Variants in ACSBG2 observed in about 807,000 individuals in gnomAD.
ACSBG2 encodes the protein long-chain-fatty-acid--CoA ligase ACSBG2.
In ACSBG2, 62 loss-of-function variants were observed where a neutral mutation model predicts 74.7. That is an observed-to-expected ratio of 0.83 (90% CI 0.68 to 1.03). The LOEUF (loss-of-function observed/expected upper bound fraction) is 1.03. ACSBG2 is among the 50% of genes least tolerant of loss of function. The pLI is 0.00. For missense variants in ACSBG2, 730 were observed against 817.6 expected (o/e 0.89, Z 1.31); for synonymous variants, 309 against 294.1 (o/e 1.05, Z -0.52).
intron 7 of ACSBG2, among the ~76,000 whole-genome samples, chr19:6,173,516 G>A (rs1219496578): frequency 6.6e-6 from 1 of 152,104 alleles, no homozygotes; most frequent in Non-Finnish European, 1.5e-5. Context: ...AAGGCGAGTG[G>A]GAAGCAAAGA....
intron 6 of ACSBG2, among the ~76,000 whole-genome samples, chr19:6,163,121 AAATAATAATAATAATAATAAT>A (rs71917482): frequency 8.1e-6 from 1 of 122,848 alleles, no homozygotes; most frequent in African/African-American, 2.9e-5. Context: ...CTAAAAATAC[AAATAATAATAATAATAATAAT>A]AATAATAATA....
chr19:6,177,496 C>G (rs549367090), intron 8 of ACSBG2, 100 bp downstream of exon 8: 3 of 1,290,882 alleles, frequency 2.3e-6, no homozygotes, highest in African/African-American at 1.5e-5. Flanking sequence ...TGGGTGAAGC[C>G]CCATGTCTAA....
At chr19:6,136,582 C>T (rs756675870) in intron 1 of ACSBG2, among the ~76,000 whole-genome samples, 12 of 152,136 alleles carry the variant, frequency 7.9e-5, no homozygotes, top group East Asian at 1.9e-4. Context: ...AGGCTGGTCT[C>T]GAACTCCTGG....
intron 6 of ACSBG2, among the ~76,000 whole-genome samples, chr19:6,164,281 C>A (rs1050173128): frequency 1.3e-5 from 2 of 152,082 alleles, no homozygotes; most frequent in Admixed American, 6.5e-5. Flanking sequence ...AGGACAGGTT[C>A]CCCCAGAGGG....
chr19:6,143,200 G>A (rs967688561), intron 2 of ACSBG2, among the ~76,000 whole-genome samples: 6 of 151,702 alleles, frequency 4.0e-5, no homozygotes, highest in African/African-American at 1.2e-4. Flanking sequence ...ATGCACCACC[G>A]TGCCTGGCTA....
intron 2 of ACSBG2, among the ~76,000 whole-genome samples, chr19:6,146,787 C>CA (rs1419626952): frequency 6.8e-6 from 1 of 148,080 alleles, no homozygotes; most frequent in Non-Finnish European, 1.5e-5. Context: ...CAAAACAAAA[C>CA]AAAATAATAA....
chr19:6,187,672 T>G lies in ACSBG2; in HGVS notation c.1754T>G (p.Leu585Arg), dbSNP rs1380699763. 6.2e-7 allele frequency: 1 copy of G among 1,614,000 alleles called. No individual in the cohort carries two copies. Among genetic ancestry groups the G allele is most frequent in the African/African-American group, 1.3e-5 (1 of 74,886 alleles). Reference sequence around the variant, plus strand: ...GAGGCCATCAACTTCTGTCGGGGTCTGGGCAGCCAGGCATCCACCGTGACT... The same window carrying G: ...GAGGCCATCAACTTCTGTCGGGGTCGGGGCAGCCAGGCATCCACCGTGACT... ...NFEAINFCRG[L>R]GSQASTVTEI... Residue 585 changes from leucine (L) to arginine (R), a missense_variant, in exon 13 of 15, where the codon CTG (leucine) becomes CGG (arginine). Physicochemically the swap from Leu to Arg is moderately radical, Grantham distance 102. Transcript: ENST00000588485.
At chr19:6,190,812 T>TACACACAC (rs58730661) in intron 14 of ACSBG2, 120 bp downstream of exon 14, 7,001 of 336,132 alleles carry the variant, frequency 0.021, 80 homozygotes, top group East Asian at 0.047. Context: ...CACACATACA[T>TACACACAC]ACACACACAC....
rs2090046629 is a variant in ACSBG2, at chr19:6,174,639, C to T, written c.739-2590C>T. Among the ~76,000 whole-genome samples the T allele has an allele frequency of 6.6e-6, 1 of 152,122 alleles. No individual in the cohort carries two copies. Among genetic ancestry groups the T allele is most frequent in the African/African-American group, 2.4e-5 (1 of 41,442 alleles). ...AAGGCTGGGAAACACAGCAAGACCT[C>T]ATCTCTACAAAAATGTTTTAAAAAT... On this transcript the variant is annotated intron_variant, in intron 7 of 14. Coordinates refer to ENST00000588485, the MANE Select transcript of ACSBG2 (RefSeq NM_030924.5). This position sits in a 1 kb window ranked among gnomAD's most constrained non-coding sequence, Gnocchi z 4.2.
At chr19:6,188,561 A>C (rs1443310794) in intron 13 of ACSBG2, among the ~76,000 whole-genome samples, 1 of 152,206 alleles carries the variant, frequency 6.6e-6, no homozygotes, top group South Asian at 2.1e-4. Context: ...CAGGGAGGTC[A>C]AGGCTGCAGT....
chr19:6,163,228 T>TAA (rs371743445), intron 6 of ACSBG2, among the ~76,000 whole-genome samples: 21,176 of 87,614 alleles, frequency 0.24, 5,179 homozygotes, highest in Non-Finnish European at 0.32. Context: ...GGCGGGCAGA[T>TAA]CATGAGGTCA....
At chr19:6,149,237 A>G (rs1301681306) in intron 3 of ACSBG2, among the ~76,000 whole-genome samples, 2 of 152,224 alleles carry the variant, frequency 1.3e-5, no homozygotes, top group Admixed American at 1.3e-4. Flanking sequence ...TCTGTCCACA[A>G]TAAAGCCAGC....
chr19:6,175,700 G>C (rs1358647625), intron 7 of ACSBG2, among the ~76,000 whole-genome samples: 2 of 152,170 alleles, frequency 1.3e-5, no homozygotes, highest in Non-Finnish European at 2.9e-5. Flanking sequence ...ATTCACCAGA[G>C]ATTTATGACA....
Position 6,161,304 on chromosome 19 carries a change from G to A in ACSBG2, c.588+9G>A, listed in dbSNP as rs774360961. 31 of 1,611,668 alleles carry A rather than the reference G, an allele frequency of 1.9e-5. No individual in the cohort carries two copies. Among genetic ancestry groups the A allele is most frequent in the Non-Finnish European group, 2.5e-5 (30 of 1,178,268 alleles). ...ACAACAACTTGTACTCTGTAAGTGT[G>A]GGAGGTGGGCACTGGGGAAAGGGGA... On this transcript the variant is annotated intron_variant, in intron 6 of 14. Coordinates refer to ENST00000588485, the MANE Select transcript of ACSBG2 (RefSeq NM_030924.5).
Position 6,141,615 on chromosome 19 carries a change from A to G in ACSBG2, c.67+5A>G. On this transcript the variant is annotated splice_donor_5th_base_variant and intron_variant, in intron 2 of 14. Coordinates refer to ENST00000588485, the MANE Select transcript of ACSBG2 (RefSeq NM_030924.5). ...TAGACATGAATAAAACAGAAGGTAT[A>G]TTGCACTAAAGAGTACGTGGGAGAG... 6.4e-7 allele frequency: 1 copy of G among 1,567,540 alleles called. No individual in the cohort carries two copies. The highest frequency in any genetic ancestry group is 8.8e-7 in the Non-Finnish European group (1 of 1,137,540).
chr19:6,177,084 C>T (rs959330825), intron 7 of ACSBG2, 145 bp from the exon 8 acceptor site: 1 of 805,586 alleles, frequency 1.2e-6, no homozygotes, highest in South Asian at 2.0e-5. Context: ...TTCCTTGAAC[C>T]CAGGAGTTTG....
At chr19:6,181,777 GTTTTA>G (rs2090260387) in intron 8 of ACSBG2, among the ~76,000 whole-genome samples, 1 of 112,018 alleles carries the variant, frequency 8.9e-6, no homozygotes, top group Non-Finnish European at 1.9e-5. Flanking sequence ...GCGTTTGTTT[GTTTTA>G]TTTTGTTTTG....
chr19:6,181,447 T>C (rs982908798), intron 8 of ACSBG2, among the ~76,000 whole-genome samples: 2 of 152,192 alleles, frequency 1.3e-5, no homozygotes, highest in African/African-American at 4.8e-5. Context: ...GGGTTCTTTA[T>C]ATATTCTGGT....
rs1220617158 is a variant in ACSBG2, at chr19:6,192,950, T to C, written c.*318T>C. The C allele has an allele frequency of 6.6e-6, 1 of 152,138 alleles. No individual in the cohort carries two copies. Among genetic ancestry groups the C allele is most frequent in the African/African-American group, 2.4e-5 (1 of 41,424 alleles). 9.4% of individuals were successfully genotyped at this position (152,138 alleles called of 1,614,324 possible). A position where few individuals can be genotyped will look rare whatever the true frequency, so the allele number is the denominator to read the frequency against. On this transcript the variant is annotated 3_prime_UTR_variant, in exon 15 of 15. Coordinates refer to ENST00000588485, the MANE Select transcript of ACSBG2 (RefSeq NM_030924.5). ...CCTGAACTTGTGGGCTCCCATTTGA[T>C]TTTTTTCTCCTCAGGGGACTCAGAC...
Sources: gnomAD v4.1 joint callset for allele counts (sites outside exome capture counted in the v4.1 genomes callset) on GRCh38, gnomAD v4.1.1 for gene constraint, Gnocchi (gnomAD v3.1) non-coding constraint, MANE v1.5 for transcripts, NCBI Gene and HGNC (gene_info 2026-07-23, HGNC 2026-07-21) for gene names.